Variants in GPC4 observed in about 807,000 individuals in gnomAD.
GPC4 encodes glypican 4, also known as glypican-4.
GPC4 carries 10 observed loss-of-function variants against 35.0 expected under a neutral mutation model. That is an observed-to-expected ratio of 0.29 (90% CI 0.18 to 0.48). GPC4 has a LOEUF of 0.48. Ranked by LOEUF, GPC4 falls within the 20% of genes least tolerant of loss-of-function variation. The probability of loss-of-function intolerance (pLI) is 0.99; values close to 1 mark genes in which losing one functional copy is unlikely to be tolerated. For synonymous variants in GPC4, 167 were observed against 170.2 expected (o/e 0.98, Z 0.15); for missense variants, 322 against 451.3 (o/e 0.71, Z 2.60).
intron 1 of GPC4, among the ~76,000 whole-genome samples, chrX:133,397,729 C>G (rs2068750189): frequency 9.0e-6 from 1 of 111,353 alleles, no homozygotes; most frequent in Admixed American, 9.6e-5. Flanking sequence ...AGAAATTAAA[C>G]ACTTATATTC....
intron 3 of GPC4, among the ~76,000 whole-genome samples, chrX:133,320,037 A>C (rs1413954307): frequency 8.9e-6 from 1 of 111,751 alleles, no homozygotes; most frequent in Non-Finnish European, 1.9e-5. Flanking sequence ...ATTTAATTAA[A>C]GGGTTTGATT....
At chrX:133,339,866 G>A (rs1283085643) in intron 1 of GPC4, among the ~76,000 whole-genome samples, 1 of 112,109 alleles carries the variant, frequency 8.9e-6, no homozygotes, top group African/African-American at 3.2e-5. Flanking sequence ...CAGCAAAGAG[G>A]AAACTATAGG....
intron 1 of GPC4, among the ~76,000 whole-genome samples, chrX:133,342,734 C>A (rs770938609): frequency 2.7e-5 from 3 of 111,233 alleles, no homozygotes; most frequent in East Asian, 5.7e-4. Context: ...GAGGACAAGT[C>A]TGGGTACATT....
chrX:133,391,283 T>A lies in GPC4; in HGVS notation c.160+23523A>T, dbSNP rs184744265. Reference sequence around the variant, plus strand: ...AGAAAGCTTTCTCTGCCTCAGCAGATGGCCCTCTTTCCAAGCAGTCTTTGT... The same window carrying A: ...AGAAAGCTTTCTCTGCCTCAGCAGAAGGCCCTCTTTCCAAGCAGTCTTTGT... On this transcript the variant is annotated intron_variant, in intron 1 of 8. Coordinates refer to ENST00000370828, the MANE Select transcript of GPC4 (RefSeq NM_001448.3). Among the ~76,000 whole-genome samples the A allele has an allele frequency of 6.3e-5, 7 of 111,985 alleles. No individual in the cohort carries two copies. In the East Asian group the frequency reaches 2.0e-3, roughly 32 times the overall value.
rs182511259 is a variant in GPC4, at chrX:133,392,577, G to T, written c.160+22229C>A. Among the ~76,000 whole-genome samples the T allele has an allele frequency of 3.1e-3, 332 of 105,471 alleles. 2 individuals are homozygous for T. The highest frequency in any genetic ancestry group is 0.015 in the Middle Eastern group (3 of 206). 91.6% of individuals were successfully genotyped at this position (105,471 alleles called of 115,157 possible). On this transcript the variant is annotated intron_variant, in intron 1 of 8. Transcript: ENST00000370828. Reference sequence around the variant, plus strand: ...ATTGGGGATGCCCCAGCCTTTTAAGGTAAAGAAAGACATAGAAATGGTCCT... The same window carrying T: ...ATTGGGGATGCCCCAGCCTTTTAAGTTAAAGAAAGACATAGAAATGGTCCT...
chrX:133,395,725 T>A lies in GPC4; in HGVS notation c.160+19081A>T, dbSNP rs2068740022. Among the ~76,000 whole-genome samples the A allele has an allele frequency of 2.7e-5, 3 of 111,563 alleles. No homozygotes were observed. In the South Asian group the frequency reaches 1.1e-3, roughly 43 times the overall value. On this transcript the variant is annotated intron_variant, in intron 1 of 8. Coordinates refer to ENST00000370828, the MANE Select transcript of GPC4 (RefSeq NM_001448.3). ...AGACTTTTTGTAAAAATTAAAGACA[T>A]ATGGTTCAAGAATCAGTTACCACTT...
intron 4 of GPC4, among the ~76,000 whole-genome samples, chrX:133,308,284 C>T (rs1183332839): frequency 8.9e-6 from 1 of 112,012 alleles, no homozygotes; most frequent in African/African-American, 3.2e-5. Context: ...CTGCCAGGAC[C>T]TGGCTGGTGT....
intron 1 of GPC4, among the ~76,000 whole-genome samples, chrX:133,380,162 C>A (rs888123319): frequency 6.3e-5 from 7 of 110,394 alleles, no homozygotes; most frequent in Non-Finnish European, 7.6e-5. Flanking sequence ...GACGGCAAAA[C>A]CCCATCTCTA....
chrX:133,410,248 C>T (rs1416716102), intron 1 of GPC4, among the ~76,000 whole-genome samples: 1 of 112,328 alleles, frequency 8.9e-6, no homozygotes, highest in Non-Finnish European at 1.9e-5. Context: ...ACTTTCTTGT[C>T]TTACTATCTG....
chrX:133,301,344 TTC>T lies in GPC4; in HGVS notation c.*1521_*1522del, dbSNP rs2124100299. The stretch of plus-strand genomic sequence containing the variant: ...GCAGGAAGAGACAGAATTTTAGTCT[TTC>T]TGAAGACTTCTGGGAACTCCTTTGA... On this transcript the variant is annotated 3_prime_UTR_variant, in exon 9 of 9. Transcript: ENST00000370828. 1 of 113,026 alleles carries T rather than the reference TTC, an allele frequency of 8.8e-6. No individual in the cohort carries two copies. The highest frequency in any genetic ancestry group is 3.6e-4 in the South Asian group (1 of 2,754). The allele number at this position is 113,026 out of a possible 1,213,427, so 9.3% of individuals were successfully genotyped here.
chrX:133,302,809 A>C lies in GPC4; in HGVS notation c.*58T>G. The stretch of plus-strand genomic sequence containing the variant: ...AAGCAAAGTCACTAGGATGGTAGAA[A>C]AGTGATAACTGGTGCCTTTTAACTT... On this transcript the variant is annotated 3_prime_UTR_variant, in exon 9 of 9. Transcript: ENST00000370828. The C allele has an allele frequency of 9.1e-7, 1 of 1,101,643 alleles. No homozygotes were observed. Among genetic ancestry groups the C allele is most frequent in the Non-Finnish European group, 1.2e-6 (1 of 801,166 alleles). The allele number at this position is 1,101,643 out of a possible 1,213,427, so 90.8% of individuals were successfully genotyped here. A position where few individuals can be genotyped will look rare whatever the true frequency, so the allele number is the denominator to read the frequency against.
intron 1 of GPC4, among the ~76,000 whole-genome samples, chrX:133,344,729 T>C (rs1405051929): frequency 1.8e-5 from 2 of 111,547 alleles, no homozygotes; most frequent in African/African-American, 6.5e-5. Context: ...ATCTCTAGTG[T>C]TTACTCCCCC....
At chrX:133,305,318 A>G (rs1374275136) in intron 6 of GPC4, among the ~76,000 whole-genome samples, 2 of 112,045 alleles carry the variant, frequency 1.8e-5, no homozygotes, top group East Asian at 2.8e-4. Context: ...TTTGTAGCAT[A>G]TTACTGTGGA....
chrX:133,346,250 G>A (rs905109090), intron 1 of GPC4, among the ~76,000 whole-genome samples: 6 of 111,954 alleles, frequency 5.4e-5, no homozygotes, highest in Admixed American at 4.7e-4. Context: ...TCACTTAAGC[G>A]TGGAAAGTTG....
intron 1 of GPC4, among the ~76,000 whole-genome samples, chrX:133,377,198 A>T (rs1381718825): frequency 8.9e-6 from 1 of 112,225 alleles, no homozygotes; most frequent in African/African-American, 3.2e-5. Context: ...CAACTGTGGG[A>T]TCATGACCTC....
intron 3 of GPC4, among the ~76,000 whole-genome samples, chrX:133,314,264 A>C (rs1283300133): frequency 8.9e-6 from 1 of 112,388 alleles, no homozygotes; most frequent in African/African-American, 3.2e-5. Flanking sequence ...TTTTCAAAGA[A>C]GTCCTTTCTC....
intron 6 of GPC4, among the ~76,000 whole-genome samples, chrX:133,305,074 G>T (rs968175488): frequency 1.7e-4 from 19 of 111,912 alleles, no homozygotes; most frequent in African/African-American, 5.8e-4. Flanking sequence ...CAAAGGAGTG[G>T]CCTAGACCCC....
chrX:133,388,825 A>C (rs1307983877), intron 1 of GPC4, among the ~76,000 whole-genome samples: 1 of 108,743 alleles, frequency 9.2e-6, no homozygotes, highest in Non-Finnish European at 1.9e-5. Context: ...TAAGAGATGG[A>C]CTCTCACTAT....
At chrX:133,392,181 C>T (rs1411192667) in intron 1 of GPC4, among the ~76,000 whole-genome samples, 2 of 107,038 alleles carry the variant, frequency 1.9e-5, no homozygotes, top group East Asian at 5.9e-4. Context: ...TGCAGTGAGC[C>T]GAGATTGCAC....
Sources: allele counts gnomAD v4.1 joint callset (sites outside exome capture counted in the v4.1 genomes callset), GRCh38; gene constraint gnomAD v4.1.1; transcripts MANE v1.5; gene names NCBI Gene and HGNC (gene_info 2026-07-23, HGNC 2026-07-21).